Variants in TRAF2 observed in about 807,000 individuals in gnomAD.
TRAF2 encodes the protein TNF receptor-associated factor 2.
Under a neutral mutation model 55.6 loss-of-function variants are expected in TRAF2, and 6 were observed. That is an observed-to-expected ratio of 0.11 (90% CI 0.06 to 0.21). The LOEUF is 0.21. Among genes scored for constraint, TRAF2 ranks in the 10% least tolerant of loss-of-function variants. The pLI, the probability that TRAF2 is intolerant of heterozygous loss-of-function variation, is 1.00. For missense variants in TRAF2, 561 were observed against 684.5 expected (o/e 0.82, Z 2.01); for synonymous variants, 329 against 276.3 (o/e 1.19, Z -1.89).
At chr9:136,924,781 C>G (rs549123738) in intron 10 of TRAF2, among the ~76,000 whole-genome samples, 5 of 152,124 alleles carry the variant, frequency 3.3e-5, no homozygotes, top group Admixed American at 1.3e-4. Flanking sequence ...GCTCTGTCGC[C>G]CAGGCTGGAG....
At chr9:136,914,860 G>C (rs935147532) in intron 6 of TRAF2, among the ~76,000 whole-genome samples, 3 of 151,714 alleles carry the variant, frequency 2.0e-5, no homozygotes, top group Non-Finnish European at 4.4e-5. Context: ...GTTTCATTTT[G>C]CTTTTGAGTT....
In TRAF2 at chr9:136,916,598, A is replaced by G; in HGVS notation, c.661A>G (p.Ile221Val). The change falls in exon 7 of 11, where the codon ATC becomes GTC. Residue 221 changes from isoleucine (I) to valine (V), a missense_variant. Ile to Val is a conservative substitution (Grantham distance 29). This residue lies in a region of TRAF2 where 426 missense variants were observed against 476.8 expected (regional missense o/e 0.89). Transcript: ENST00000247668. Reference sequence around the variant, plus strand: ...TCGAGTCCCTTGCAGATTCCACGCCATCGGCTGCCTCGAGACGGTGAGTCG... The same window carrying G: ...TCGAGTCCCTTGCAGATTCCACGCCGTCGGCTGCCTCGAGACGGTGAGTCG... Reference protein sequence around the residue: ...KCRVPCRFHAIGCLETVEGEK... With the variant: ...KCRVPCRFHAVGCLETVEGEK... The G allele has an allele frequency of 6.2e-7, 1 of 1,614,010 alleles. No homozygotes were observed. The highest frequency in any genetic ancestry group is 8.5e-7 in the Non-Finnish European group (1 of 1,179,972).
At chr9:136,896,598 T>C (rs2131285531) in intron 1 of TRAF2, among the ~76,000 whole-genome samples, 1 of 152,180 alleles carries the variant, frequency 6.6e-6, no homozygotes, top group East Asian at 1.9e-4. Flanking sequence ...ACTCAAGCTT[T>C]ACCCAAACCG....
chr9:136,923,610 CAAAAAA>C (rs55666712), intron 9 of TRAF2, among the ~76,000 whole-genome samples: 30 of 67,750 alleles, frequency 4.4e-4, no homozygotes, highest in African/African-American at 4.9e-4. Context: ...GACTCCATCT[CAAAAAA>C]AAAAAAAAAA....
chr9:136,925,560 C>T (rs1167095210), intron 10 of TRAF2, 123 bp from the exon 11 acceptor site: 7 of 1,016,954 alleles, frequency 6.9e-6, no homozygotes, highest in Middle Eastern at 3.1e-4. Flanking sequence ...GGCTGGGCCT[C>T]AGCCTCTGGC....
In TRAF2 at chr9:136,921,018, G is replaced by A; in HGVS notation, c.961-20G>A. The A allele has an allele frequency of 6.2e-7, 1 of 1,612,872 alleles. No individual in the cohort carries two copies. Among genetic ancestry groups the A allele is most frequent in the Non-Finnish European group, 8.5e-7 (1 of 1,179,582 alleles). ...CCGCACCCCTCCTGTAAGAGGGAAG[G>A]TGGTCTTGGCACCCGGCAGGTGCAG... is the stretch of plus-strand genomic sequence containing the variant. On this transcript the variant is annotated intron_variant, in intron 8 of 10. Coordinates refer to ENST00000247668, the MANE Select transcript of TRAF2 (RefSeq NM_021138.4).
At chr9:136,921,753 C>G (rs979259645) in intron 9 of TRAF2, among the ~76,000 whole-genome samples, 1 of 151,882 alleles carries the variant, frequency 6.6e-6, no homozygotes, top group African/African-American at 2.4e-5. Flanking sequence ...CGTGGGGTCT[C>G]CCCTGGAGGG....
In TRAF2 at chr9:136,926,069, C is replaced by T. The variant is rs1456915877; in HGVS notation, c.*168C>T. 1 of 845,424 alleles carries T rather than the reference C, an allele frequency of 1.2e-6. No homozygotes were observed. Among genetic ancestry groups the T allele is most frequent in the Non-Finnish European group, 2.0e-6 (1 of 498,110 alleles). 52.4% of individuals were successfully genotyped at this position (845,424 alleles called of 1,614,324 possible). On this transcript the variant is annotated 3_prime_UTR_variant, in exon 11 of 11. Transcript: ENST00000247668. ...AGTTCACTGTCACGGGGGAAGGAGC[C>T]ACCAGCCAGTCCTCAGATTTCAGAG...
chr9:136,907,118 G>A (rs777096660), intron 4 of TRAF2, among the ~76,000 whole-genome samples: 4 of 152,240 alleles, frequency 2.6e-5, no homozygotes, highest in Non-Finnish European at 4.4e-5. Context: ...TGGGTGTGGC[G>A]AGGAGCTGGC....
At chr9:136,917,863 C>T (rs1850278009) in intron 7 of TRAF2, among the ~76,000 whole-genome samples, 1 of 152,108 alleles carries the variant, frequency 6.6e-6, no homozygotes. Context: ...CGGGAGGTTG[C>T]GTAGTGACCA....
chr9:136,920,345 G>GCGGGGT lies in TRAF2; in HGVS notation c.792_797dup (p.Gly265_Ser266dup). On this transcript the variant is annotated inframe_insertion, in exon 8 of 11. Coordinates refer to ENST00000247668, the MANE Select transcript of TRAF2 (RefSeq NM_021138.4). Reference sequence around the variant, plus strand: ...GCCCCTCTTGGGAGACCAGAGCCACGCGGGGTCAGAGCTCCTGCAGAGGTG... The same window carrying GCGGGGT: ...GCCCCTCTTGGGAGACCAGAGCCACGCGGGGTCGGGGTCAGAGCTCCTGCAGAGGTG... 6.2e-7 allele frequency: 1 copy of GCGGGGT among 1,614,112 alleles called. No homozygotes were observed. The highest frequency in any genetic ancestry group is 8.5e-7 in the Non-Finnish European group (1 of 1,180,044).
At chr9:136,882,497 G>GC (rs1460412861), upstream of TRAF2, among the ~76,000 whole-genome samples, 1 of 152,242 alleles carries the variant, frequency 6.6e-6, no homozygotes, top group African/African-American at 2.4e-5. Flanking sequence ...GACAGCAGCT[G>GC]CATGTGTCCA....
At chr9:136,884,951 G>A (rs903166422), upstream of TRAF2, among the ~76,000 whole-genome samples, 1 of 152,240 alleles carries the variant, frequency 6.6e-6, no homozygotes, top group Admixed American at 6.5e-5. Flanking sequence ...ACGTTTGAGA[G>A]CTCAGTTAGT....
upstream of TRAF2, among the ~76,000 whole-genome samples, chr9:136,882,410 C>T (rs981228764): frequency 6.6e-6 from 1 of 152,244 alleles, no homozygotes; most frequent in African/African-American, 2.4e-5. Flanking sequence ...CTGGCATCCA[C>T]GGCAGCATCT....
intron 9 of TRAF2, among the ~76,000 whole-genome samples, chr9:136,921,826 T>C (rs17244208): frequency 6.6e-4 from 100 of 152,274 alleles, no homozygotes; most frequent in African/African-American, 2.4e-3. Context: ...GGACTGTGCT[T>C]CTGGGCGCTG....
intron 9 of TRAF2, 47 bp downstream of exon 9, chr9:136,921,262 C>T (rs1850378405): frequency 1.2e-6 from 2 of 1,606,940 alleles, no homozygotes; most frequent in East Asian, 4.5e-5. Flanking sequence ...GTTTACTTGG[C>T]ACCTGGGTCC....
intron 6 of TRAF2, among the ~76,000 whole-genome samples, chr9:136,915,943 G>C (rs1044752422): frequency 3.3e-5 from 5 of 152,062 alleles, no homozygotes; most frequent in African/African-American, 4.8e-5. Context: ...ACTCAGAGCC[G>C]CGACACACCT....
At chr9:136,925,461 C>T (rs896999769) in intron 10 of TRAF2, among the ~76,000 whole-genome samples, 1 of 152,188 alleles carries the variant, frequency 6.6e-6, no homozygotes, top group Non-Finnish European at 1.5e-5. Flanking sequence ...GACACAGATT[C>T]CCCAGAGAGA....
At chr9:136,896,486 G>A (rs919609251) in intron 1 of TRAF2, among the ~76,000 whole-genome samples, 3 of 152,328 alleles carry the variant, frequency 2.0e-5, no homozygotes, top group African/African-American at 7.2e-5. Context: ...TGTGTTTCGA[G>A]TCTGTTCTCT....
Sources: gnomAD v4.1 joint callset for allele counts (sites outside exome capture counted in the v4.1 genomes callset) on GRCh38, gnomAD v4.1.1 for gene constraint, gnomAD v4.1.1 regional missense constraint, MANE v1.5 for transcripts, NCBI Gene and HGNC (gene_info 2026-07-23, HGNC 2026-07-21) for gene names.